PACSIN2: variants seen among roughly 807,000 people sequenced by gnomAD.
The protein encoded by PACSIN2 is protein kinase C and casein kinase substrate in neurons 2.
A neutral mutation model predicts 63.8 loss-of-function variants in PACSIN2; 25 were observed. That is an observed-to-expected ratio of 0.39 (90% CI 0.29 to 0.55). The LOEUF is 0.55. Ranked by LOEUF, PACSIN2 falls within the 20% of genes least tolerant of loss-of-function variation. The pLI is 0.62. For synonymous variants in PACSIN2, 255 were observed against 256.2 expected (o/e 1.00, Z 0.05); for missense variants, 518 against 646.9 (o/e 0.80, Z 2.16).
intron 1 of PACSIN2, among the ~76,000 whole-genome samples, chr22:42,974,503 C>T (rs747179560): frequency 6.6e-6 from 1 of 152,138 alleles, no homozygotes; most frequent in Non-Finnish European, 1.5e-5. Flanking sequence ...GTACCACATA[C>T]AGGCTTCTTG....
intron 1 of PACSIN2, among the ~76,000 whole-genome samples, chr22:42,995,966 A>G (rs1052356647): frequency 3.9e-5 from 6 of 152,148 alleles, no homozygotes; most frequent in African/African-American, 1.4e-4. Flanking sequence ...CACGTCTGTA[A>G]TCCCAGCACT....
chr22:43,002,739 T>A (rs1161880891), intron 1 of PACSIN2, among the ~76,000 whole-genome samples: 2 of 152,128 alleles, frequency 1.3e-5, no homozygotes, highest in Non-Finnish European at 2.9e-5. Context: ...AAGGATGAAA[T>A]TATAAACTGC....
intron 1 of PACSIN2, among the ~76,000 whole-genome samples, chr22:43,004,243 A>C (rs1246944664): frequency 6.6e-6 from 1 of 152,186 alleles, no homozygotes; most frequent in African/African-American, 2.4e-5. Flanking sequence ...GATCAAGTGG[A>C]GAGAACACTA....
chr22:42,959,449 T>A (rs1934047527), intron 1 of PACSIN2: 1 of 152,174 alleles, frequency 6.6e-6, no homozygotes, highest in Admixed American at 6.5e-5. Flanking sequence ...AGGTGCAAAG[T>A]TATTGCATCT....
intron 10 of PACSIN2, among the ~76,000 whole-genome samples, chr22:42,873,453 T>C (rs1279515025): frequency 1.3e-5 from 2 of 151,938 alleles, no homozygotes; most frequent in South Asian, 2.1e-4. Context: ...GAAGAGTGTC[T>C]GGGGACAGCA....
Position 42,916,595 on chromosome 22 carries a change from C to T in PACSIN2, c.-77-4438G>A, listed in dbSNP as rs531299484. On this transcript the variant is annotated intron_variant, in intron 1 of 10. Coordinates refer to ENST00000263246, the MANE Select transcript of PACSIN2 (RefSeq NM_001184970.3). Reference sequence around the variant, plus strand: ...AGCGTATGGGACTCTCCTGGCTCCCCGCTCTCACCCTGACAAGCCTCCCTT... The same window carrying T: ...AGCGTATGGGACTCTCCTGGCTCCCTGCTCTCACCCTGACAAGCCTCCCTT... 3.4e-3 allele frequency among the ~76,000 whole-genome samples: 518 copies of T among 152,168 alleles called. 3 individuals carry two copies. Among genetic ancestry groups the T allele is most frequent in the African/African-American group, 0.012 (511 of 41,514 alleles).
chr22:42,908,212 G>A (rs1342685923), intron 2 of PACSIN2, among the ~76,000 whole-genome samples: 4 of 152,322 alleles, frequency 2.6e-5, no homozygotes, highest in East Asian at 1.9e-4. Context: ...CAGAAATCCC[G>A]CCTCCGGGGA....
chr22:42,987,449 A>AACACACACACACAC (rs745523623), intron 1 of PACSIN2, among the ~76,000 whole-genome samples: 5 of 87,088 alleles, frequency 5.7e-5, no homozygotes, highest in African/African-American at 2.0e-4. Context: ...GTCCAGGAGC[A>AACACACACACACAC]ACACACACAC....
intron 10 of PACSIN2, among the ~76,000 whole-genome samples, chr22:42,873,876 C>T (rs1928366103): frequency 1.3e-5 from 2 of 151,996 alleles, no homozygotes; most frequent in African/African-American, 4.8e-5. Context: ...TCACTGCAAC[C>T]TCCACCTCCC....
chr22:42,987,530 C>CTTTTTTTTTT (rs1160565529), intron 1 of PACSIN2, among the ~76,000 whole-genome samples: 15,415 of 51,882 alleles, frequency 0.3, 5,140 homozygotes, highest in Non-Finnish European at 0.34. Context: ...CACATTCATT[C>CTTTTTTTTTT]TTTTTTTTTT....
chr22:42,926,844 TA>T (rs111701176), intron 1 of PACSIN2, among the ~76,000 whole-genome samples: 5,170 of 142,884 alleles, frequency 0.036, 106 homozygotes, highest in African/African-American at 0.056. Flanking sequence ...CCCTATCTCT[TA>T]AAAAAAAAAA....
intron 1 of PACSIN2, among the ~76,000 whole-genome samples, chr22:42,971,971 G>A (rs2146869504): frequency 6.6e-6 from 1 of 152,132 alleles, no homozygotes; most frequent in South Asian, 2.1e-4. Context: ...GGGAGGTGAG[G>A]AGCCCCTCTG....
chr22:42,926,199 C>T (rs1158166098), intron 1 of PACSIN2, among the ~76,000 whole-genome samples: 5 of 152,162 alleles, frequency 3.3e-5, no homozygotes, highest in Non-Finnish European at 5.9e-5. Flanking sequence ...TGGTGTAGTA[C>T]ATTTGATTCA....
At chr22:42,973,427 GTTTT>G (rs3216442) in intron 1 of PACSIN2, among the ~76,000 whole-genome samples, 85 of 152,146 alleles carry the variant, frequency 5.6e-4, no homozygotes, top group African/African-American at 1.9e-3. Flanking sequence ...GTACCACACT[GTTTT>G]TTGTCAACAA....
chr22:42,906,530 C>A (rs891431983), intron 2 of PACSIN2, among the ~76,000 whole-genome samples: 5 of 152,168 alleles, frequency 3.3e-5, no homozygotes, highest in African/African-American at 1.2e-4. Flanking sequence ...CCCCATAGGA[C>A]GACAAAGTCT....
intron 1 of PACSIN2, among the ~76,000 whole-genome samples, chr22:43,001,004 G>A (rs948204161): frequency 1.9e-4 from 29 of 152,192 alleles, no homozygotes; most frequent in African/African-American, 7.0e-4. Context: ...GCACTTGAAG[G>A]GAGAGCACAA....
rs762256300 is a variant in PACSIN2, at chr22:43,009,863, C to CTTTTTTTT, written c.-78+5157_-78+5158insAAAAAAAA. ...TAGTTGAGACATCATTTTATTTTTT[C>CTTTTTTTT]TATTTTTTTTTTTTTTTTTTTTTGA... On this transcript the variant is annotated intron_variant, in intron 1 of 10. Transcript: ENST00000263246. Among the ~76,000 whole-genome samples, 12 of 131,814 alleles carry CTTTTTTTT rather than the reference C, an allele frequency of 9.1e-5. 2 individuals are homozygous for CTTTTTTTT. Among genetic ancestry groups the CTTTTTTTT allele is most frequent in the South Asian group, 2.4e-4 (1 of 4,248 alleles). 86.5% of individuals were successfully genotyped at this position (131,814 alleles called of 152,430 possible). A position where few individuals can be genotyped will look rare whatever the true frequency, so the allele number is the denominator to read the frequency against.
intron 1 of PACSIN2, among the ~76,000 whole-genome samples, chr22:42,914,288 A>T (rs1416677808): frequency 6.6e-6 from 1 of 152,144 alleles, no homozygotes; most frequent in Non-Finnish European, 1.5e-5. Context: ...GCTGGAGTGC[A>T]GTAGTGCAAT....
chr22:43,009,571 T>C (rs1843561465), intron 1 of PACSIN2, among the ~76,000 whole-genome samples: 1 of 152,190 alleles, frequency 6.6e-6, no homozygotes, highest in South Asian at 2.1e-4. Context: ...ATTTTACAAA[T>C]ATGAAAACTG....
Sources: gnomAD v4.1 joint callset for allele counts (sites outside exome capture counted in the v4.1 genomes callset) on GRCh38, gnomAD v4.1.1 for gene constraint, MANE v1.5 for transcripts, NCBI Gene and HGNC (gene_info 2026-07-23, HGNC 2026-07-21) for gene names.